PRKAG2: variants seen among roughly 807,000 people sequenced by gnomAD.
The protein encoded by PRKAG2 is protein kinase AMP-activated non-catalytic subunit gamma 2, also known as 5'-AMP-activated protein kinase subunit gamma-2.
In PRKAG2, 26 loss-of-function variants were observed where a neutral mutation model predicts 69.6. The observed-to-expected ratio is 0.37, with a 90% confidence interval of 0.27 to 0.52. The LOEUF (loss-of-function observed/expected upper bound fraction) is 0.52. Among genes scored for constraint, PRKAG2 ranks in the 20% least tolerant of loss-of-function variants. The pLI, the probability that PRKAG2 is intolerant of heterozygous loss-of-function variation, is 0.90. For missense variants in PRKAG2, 557 were observed against 740.0 expected (o/e 0.75, Z 2.87); for synonymous variants, 293 against 285.0 (o/e 1.03, Z -0.28).
intron 3 of PRKAG2, among the ~76,000 whole-genome samples, chr7:151,769,253 G>C (rs1198727102): frequency 6.6e-6 from 1 of 152,232 alleles, no homozygotes; most frequent in Admixed American, 6.5e-5. Context: ...TGATGCTGTG[G>C]TTGTAGACTG....
intron 3 of PRKAG2, among the ~76,000 whole-genome samples, chr7:151,779,351 C>G (rs992913109): frequency 6.6e-6 from 1 of 152,340 alleles, no homozygotes; most frequent in East Asian, 1.9e-4. Context: ...CACTGCTGGG[C>G]TCCCAAAGGG....
rs547981700 is a variant in PRKAG2 at position 151,558,004 on chromosome 7, T to C, written c.1679-772A>G. 1.8e-4 allele frequency: 176 copies of C among 985,044 alleles called. No individual in the cohort carries two copies. In the African/African-American group the frequency reaches 2.8e-3, roughly 16 times the overall value. 61.0% of individuals were successfully genotyped at this position (985,044 alleles called of 1,614,324 possible). Reference sequence around the variant, plus strand: ...GCAGGGAGAGCTACTATTTTTCTCATCACAGGAGCTTCTCTCCTAATTTTT... The same window carrying C: ...GCAGGGAGAGCTACTATTTTTCTCACCACAGGAGCTTCTCTCCTAATTTTT... On this transcript the variant is annotated intron_variant, in intron 15 of 15. Transcript: ENST00000287878.
rs537710312 is a variant in PRKAG2, at chr7:151,633,380, A to G, written c.685-1242T>C. On this transcript the variant is annotated intron_variant, in intron 4 of 15. Transcript: ENST00000287878. The stretch of plus-strand genomic sequence containing the variant: ...CAGGGTGTCTGCTCTCACTAATCCT[A>G]TTCAACATGGTTCTAGAAGTACTAG... Among the ~76,000 whole-genome samples, 10 of 152,258 alleles carry G rather than the reference A, an allele frequency of 6.6e-5. No individual in the cohort carries two copies. In the East Asian group the frequency reaches 1.7e-3, roughly 26 times the overall value.
intron 6 of PRKAG2, among the ~76,000 whole-genome samples, chr7:151,593,826 T>G (rs1190760882): frequency 6.6e-6 from 1 of 152,192 alleles, no homozygotes; most frequent in African/African-American, 2.4e-5. Flanking sequence ...GCAAAGAACA[T>G]AAAGCCAATT....
intron 1 of PRKAG2, among the ~76,000 whole-genome samples, chr7:151,843,924 C>T (rs755846443): frequency 2.6e-5 from 4 of 152,258 alleles, no homozygotes; most frequent in Non-Finnish European, 4.4e-5. Flanking sequence ...CAGGAGGCAG[C>T]ACATGGCTGC....
At chr7:151,650,376 A>C (rs2727527) in intron 4 of PRKAG2, among the ~76,000 whole-genome samples, 37,810 of 152,016 alleles carry the variant, frequency 0.25, 5,977 homozygotes, top group East Asian at 0.56. Context: ...AATTACGCAA[A>C]CTTTACCTCT....
chr7:151,875,562 GGTGTGTGTGTGTGTGTGTGT>G (rs55660204), intron 1 of PRKAG2, among the ~76,000 whole-genome samples: 1,357 of 131,394 alleles, frequency 0.01, 13 homozygotes, highest in South Asian at 0.039. Context: ...GGAGCACTCT[GGTGTGTGTGTGTGTGTGTGT>G]GTGTGTGTGT....
At position 151,632,705 on chromosome 7, in the gene PRKAG2, C is replaced by A. The variant is rs753576328; in HGVS notation, c.685-567G>T. The A allele has an allele frequency of 1.7e-5, 12 of 705,874 alleles. No individual in the cohort carries two copies. The highest frequency in any genetic ancestry group is 1.9e-5 in the Non-Finnish European group (11 of 574,364). The allele number at this position is 705,874 out of a possible 1,614,324, so 43.7% of individuals were successfully genotyped here. On this transcript the variant is annotated intron_variant, in intron 4 of 15. Transcript: ENST00000287878. This position sits in a 1 kb window ranked among gnomAD's most constrained non-coding sequence, Gnocchi z 4.2. ...AGCTAGGGGATCCTTTCTCGCTTTC[C>A]TCTTCCCTTTCCAAATTTTAGATGT... is the stretch of plus-strand genomic sequence containing the variant.
chr7:151,562,328 T>C (rs1229323898), intron 14 of PRKAG2, among the ~76,000 whole-genome samples: 2 of 138,914 alleles, frequency 1.4e-5, no homozygotes, highest in Admixed American at 1.5e-4. Flanking sequence ...TGGGAGACCC[T>C]CTCTGTATTG....
chr7:151,855,000 CT>C (rs1563756430), intron 1 of PRKAG2, among the ~76,000 whole-genome samples: 672 of 34,400 alleles, frequency 0.02, 122 homozygotes, highest in Non-Finnish European at 0.028. Context: ...ACACACCATG[CT>C]CCACACACAC....
At chr7:151,597,097 A>G (rs1426165239) in intron 5 of PRKAG2, among the ~76,000 whole-genome samples, 1 of 152,230 alleles carries the variant, frequency 6.6e-6, no homozygotes, top group African/African-American at 2.4e-5. Flanking sequence ...GACAAAGAGA[A>G]TTAGAAAGCC....
chr7:151,662,006 T>C (rs1323520398), intron 4 of PRKAG2, among the ~76,000 whole-genome samples: 1 of 152,192 alleles, frequency 6.6e-6, no homozygotes, highest in Non-Finnish European at 1.5e-5. Flanking sequence ...CTGTCTAGGA[T>C]GCATAAATAG....
intron 15 of PRKAG2, chr7:151,559,906 T>A: frequency 1.0e-6 from 1 of 985,376 alleles, no homozygotes; most frequent in Non-Finnish European, 1.2e-6. Context: ...CTCTTACTAC[T>A]GAGTGTGTGA....
chr7:151,676,456 G>T (rs867668), intron 3 of PRKAG2, among the ~76,000 whole-genome samples: 87 of 151,792 alleles, frequency 5.7e-4, no homozygotes, highest in Admixed American at 2.0e-4. Flanking sequence ...AAGGGAGGGG[G>T]CAAATAATGG....
intron 8 of PRKAG2, 44 bp downstream of exon 8, chr7:151,574,847 T>C (rs755076489): frequency 1.9e-5 from 31 of 1,613,082 alleles, no homozygotes; most frequent in Non-Finnish European, 2.5e-5. Context: ...CATACATAGA[T>C]ACGTACAGCT....
chr7:151,731,535 T>TGTGTGTGTGTGTGTGTGTGTGTGTGC (rs10689682), intron 3 of PRKAG2, among the ~76,000 whole-genome samples: 1 of 151,582 alleles, frequency 6.6e-6, no homozygotes, highest in African/African-American at 2.4e-5. Context: ...TGTGTGTGTG[T>TGTGTGTGTGTGTGTGTGTGTGTGTGC]GCGCACAGGT....
Position 151,713,328 on chromosome 7 carries a change from G to T in PRKAG2, c.467-37691C>A, listed in dbSNP as rs116315481. Among the ~76,000 whole-genome samples the T allele has an allele frequency of 9.2e-3, 1,398 of 152,234 alleles. 20 individuals carry two copies. Among genetic ancestry groups the T allele is most frequent in the African/African-American group, 0.032 (1,346 of 41,530 alleles). ...GATATCTTTCCCCCCACCCAAAGCA[G>T]ACCCTTTTGTTTAATTCTGATGCTG... is the stretch of plus-strand genomic sequence containing the variant. On this transcript the variant is annotated intron_variant, in intron 3 of 15. Transcript: ENST00000287878.
Position 151,676,449 on chromosome 7 carries a change from G to C in PRKAG2, c.467-812C>G, listed in dbSNP as rs1005177290. Among the ~76,000 whole-genome samples the C allele has an allele frequency of 5.3e-5, 8 of 152,088 alleles. No individual in the cohort carries two copies. The East Asian group carries it at 1.5e-3, about 29-fold the overall frequency. On this transcript the variant is annotated intron_variant, in intron 3 of 15. Coordinates refer to ENST00000287878, the MANE Select transcript of PRKAG2 (RefSeq NM_016203.4). ...AACAGATTTAGATGGTCAGGAAAAG[G>C]GAGGGGGCAAATAATGGGAGGGGCA...
At chr7:151,773,025 G>GAC (rs762104825) in intron 3 of PRKAG2, among the ~76,000 whole-genome samples, 1 of 39,984 alleles carries the variant, frequency 2.5e-5, no homozygotes. Flanking sequence ...AAGAAAGAAA[G>GAC]AGAGAGAGAG....
Sources: allele counts gnomAD v4.1 joint callset (sites outside exome capture counted in the v4.1 genomes callset), GRCh38; gene constraint gnomAD v4.1.1; non-coding constraint Gnocchi (gnomAD v3.1); transcripts MANE v1.5; gene names NCBI Gene and HGNC (gene_info 2026-07-23, HGNC 2026-07-21).